GPC5: variants seen among roughly 807,000 people sequenced by gnomAD.
GPC5 encodes the protein glypican-5.
Under a neutral mutation model 53.9 loss-of-function variants are expected in GPC5, and 47 were observed. The ratio of observed to expected loss-of-function variants is 0.87; its 90% CI spans 0.69 to 1.11. The LOEUF (loss-of-function observed/expected upper bound fraction) is 1.11, where lower values mean the gene tolerates loss of function less well. Among genes scored for constraint, GPC5 ranks in the 50% most tolerant of loss-of-function variants. The pLI, the probability that GPC5 is intolerant of heterozygous loss-of-function variation, is 0.00. For synonymous variants in GPC5, 286 were observed against 263.3 expected, an observed-to-expected ratio of 1.09 and a Z score of -0.84; for missense variants, 748 against 713.1, an observed-to-expected ratio of 1.05 and a Z score of -0.56.
chr13:92,376,377 G>A (rs1309002717), intron 7 of GPC5, among the ~76,000 whole-genome samples: 4 of 152,182 alleles, frequency 2.6e-5, no homozygotes, highest in African/African-American at 9.7e-5. Flanking sequence ...ATCTGTAGGA[G>A]GTAGGAGTGC....
chr13:92,212,100 A>G (rs1594000320), intron 7 of GPC5, among the ~76,000 whole-genome samples: 3 of 151,948 alleles, frequency 2.0e-5, no homozygotes, highest in East Asian at 3.9e-4. Flanking sequence ...AAAAAAGACA[A>G]TGACATGTTT....
chr13:92,184,106 A>G lies in GPC5; in HGVS notation c.1561+39117A>G, dbSNP rs551729038. On this transcript the variant is annotated intron_variant, in intron 7 of 7. Coordinates refer to ENST00000377067, the MANE Select transcript of GPC5 (RefSeq NM_004466.6). ...TTATTTTATGTGCTGTCTTTTGCTT[A>G]TGGTGTATTATTTATACTGCAAATT... Among the ~76,000 whole-genome samples the G allele has an allele frequency of 2.4e-4, 37 of 151,948 alleles. No homozygotes were observed. In the South Asian group the frequency reaches 4.4e-3, roughly 18 times the overall value.
intron 7 of GPC5, among the ~76,000 whole-genome samples, chr13:92,828,335 C>T (rs1027772912): frequency 2.6e-5 from 4 of 152,146 alleles, no homozygotes; most frequent in South Asian, 2.1e-4. Context: ...ATTGTGACCA[C>T]TTAGTGTTAA....
intron 6 of GPC5, among the ~76,000 whole-genome samples, chr13:92,051,559 C>T (rs1228993091): frequency 6.6e-6 from 1 of 152,166 alleles, no homozygotes; most frequent in African/African-American, 2.4e-5. Context: ...AGAACCCACA[C>T]CTTGAGCTGA....
intron 5 of GPC5, among the ~76,000 whole-genome samples, chr13:91,903,567 T>C (rs1042070744): frequency 2.6e-5 from 4 of 152,182 alleles, no homozygotes; most frequent in African/African-American, 9.6e-5. Flanking sequence ...TGTATCACTA[T>C]TTCAATTGTG....
At chr13:91,956,341 T>A (rs1485603735) in intron 6 of GPC5, among the ~76,000 whole-genome samples, 18 of 152,158 alleles carry the variant, frequency 1.2e-4, no homozygotes, top group Admixed American at 1.2e-3. Context: ...GCCTGGGGAC[T>A]GGCCTGCCCA....
chr13:92,863,196 T>C (rs972739708), intron 7 of GPC5, among the ~76,000 whole-genome samples: 50 of 152,314 alleles, frequency 3.3e-4, no homozygotes, highest in Admixed American at 8.5e-4. Context: ...CCAAGCAATG[T>C]GCTTGGAATC....
chr13:91,851,589 C>T (rs1329000648), intron 5 of GPC5, among the ~76,000 whole-genome samples: 5 of 149,952 alleles, frequency 3.3e-5, no homozygotes, highest in Middle Eastern at 3.4e-3. Flanking sequence ...CATGCTGGTG[C>T]GCTGCACCCA....
intron 5 of GPC5, among the ~76,000 whole-genome samples, chr13:91,803,559 G>A (rs1464112813): frequency 6.6e-6 from 1 of 152,100 alleles, no homozygotes; most frequent in Non-Finnish European, 1.5e-5. Context: ...CACAATACTG[G>A]CTGTCAGTGT....
intron 7 of GPC5, among the ~76,000 whole-genome samples, chr13:92,571,854 C>T (rs945456338): frequency 3.3e-5 from 5 of 152,084 alleles, no homozygotes; most frequent in African/African-American, 1.2e-4. Context: ...GCCTGGGCAA[C>T]ATGGCGAGGT....
At chr13:92,083,152 G>T (rs1437841139) in intron 6 of GPC5, among the ~76,000 whole-genome samples, 1 of 152,168 alleles carries the variant, frequency 6.6e-6, no homozygotes, top group Non-Finnish European at 1.5e-5. Context: ...TGGGGGACAA[G>T]AATTATTAAT....
chr13:91,630,359 A>G (rs555403568), intron 2 of GPC5, among the ~76,000 whole-genome samples: 5 of 152,280 alleles, frequency 3.3e-5, no homozygotes, highest in African/African-American at 9.6e-5. Context: ...TGATTGGAGA[A>G]CAGAATCAGG....
intron 6 of GPC5, among the ~76,000 whole-genome samples, chr13:91,909,352 C>A (rs1333506070): frequency 1.3e-5 from 2 of 152,082 alleles, no homozygotes; most frequent in Non-Finnish European, 2.9e-5. Flanking sequence ...ACCAAAAGAG[C>A]TTTAATATTA....
intron 6 of GPC5, among the ~76,000 whole-genome samples, chr13:92,067,299 C>T (rs745341018): frequency 4.6e-5 from 7 of 151,968 alleles, no homozygotes; most frequent in Non-Finnish European, 2.9e-5. Flanking sequence ...TTAATGAGAA[C>T]AGAAGGCAGT....
At chr13:91,683,291 T>G (rs2035549826) in intron 2 of GPC5, among the ~76,000 whole-genome samples, 1 of 152,092 alleles carries the variant, frequency 6.6e-6, no homozygotes, top group African/African-American at 2.4e-5. Context: ...TTTCAGAACC[T>G]CCAGAGGCAG....
intron 6 of GPC5, among the ~76,000 whole-genome samples, chr13:91,916,992 C>T (rs1361894793): frequency 6.6e-6 from 1 of 152,186 alleles, no homozygotes; most frequent in Non-Finnish European, 1.5e-5. Context: ...CTCAAGTCCT[C>T]ACATTTCAAA....
chr13:91,995,651 T>G (rs1205220648), intron 6 of GPC5: 1 of 152,200 alleles, frequency 6.6e-6, no homozygotes, highest in Non-Finnish European at 1.5e-5. Context: ...TAGATAATTT[T>G]TTTAGTAACA....
At chr13:92,628,057 G>A (rs146011373) in intron 7 of GPC5, among the ~76,000 whole-genome samples, 13 of 151,916 alleles carry the variant, frequency 8.6e-5, no homozygotes, top group East Asian at 7.8e-4. Flanking sequence ...TCTTCCTGGC[G>A]TCAGCCTAAA....
intron 7 of GPC5, among the ~76,000 whole-genome samples, chr13:92,694,658 T>G (rs1887507519): frequency 6.6e-6 from 1 of 152,240 alleles, no homozygotes; most frequent in Admixed American, 6.5e-5. Context: ...AATTTGTGTT[T>G]GATTTTAAAG....
Sources: allele counts gnomAD v4.1 joint callset (sites outside exome capture counted in the v4.1 genomes callset), GRCh38; gene constraint gnomAD v4.1.1; transcripts MANE v1.5; gene names NCBI Gene and HGNC (gene_info 2026-07-23, HGNC 2026-07-21).